The following MRPS23 variants were observed in gnomAD, a reference collection of about 807,000 sequenced individuals.
MRPS23 encodes the protein mitochondrial ribosomal protein S23, also known as small ribosomal subunit protein mS23.
MRPS23 carries 14 observed loss-of-function variants against 19.8 expected under a neutral mutation model. The ratio of observed to expected loss-of-function variants is 0.71; its 90% confidence interval spans 0.47 to 1.11. The LOEUF is 1.11. Ranked by LOEUF, MRPS23 falls within the 50% of genes least tolerant of loss-of-function variation. The pLI is 0.00. For missense variants in MRPS23, 242 were observed against 236.7 expected (o/e 1.02, Z -0.15); for synonymous variants, 113 against 89.7 (o/e 1.26, Z -1.47).
chr17:57,842,713 C>T (rs747459050), intron 2 of MRPS23, among the ~76,000 whole-genome samples: 49 of 151,828 alleles, frequency 3.2e-4, no homozygotes, highest in Non-Finnish European at 4.0e-4. Flanking sequence ...CACCTATCTC[C>T]CCACACCCTG....
chr17:57,850,031 C>T lies in MRPS23; in HGVS notation c.-21G>A. ...GCCATGATCTGCGCCTGGTACCGAG[C>T]GTGACTAGCTGCTACCGGAACCGGA... On this transcript the variant is annotated 5_prime_UTR_variant, in exon 1 of 5. Coordinates refer to ENST00000313608, the MANE Select transcript of MRPS23 (RefSeq NM_016070.4). 1.3e-6 allele frequency: 2 copies of T among 1,587,158 alleles called. No individual in the cohort carries two copies. Among genetic ancestry groups the T allele is most frequent in the Non-Finnish European group, 1.7e-6 (2 of 1,171,700 alleles).
Position 57,839,664 on chromosome 17 carries a change from A to C in MRPS23, c.*119T>G, listed in dbSNP as rs2073728104. 6 of 1,266,496 alleles carry C rather than the reference A, an allele frequency of 4.7e-6. No individual in the cohort carries two copies. Among genetic ancestry groups the C allele is most frequent in the Non-Finnish European group, 6.4e-6 (6 of 938,486 alleles). 78.5% of individuals were successfully genotyped at this position (1,266,496 alleles called of 1,614,324 possible). A position where few individuals can be genotyped will look rare whatever the true frequency, so the allele number is the denominator to read the frequency against. ...TGACAACCCAGAAATAACTAAGAGAAGGCAAACATAATACCTTAGAGATCA... is the reference window on the plus strand; with the variant it reads ...TGACAACCCAGAAATAACTAAGAGACGGCAAACATAATACCTTAGAGATCA... On this transcript the variant is annotated 3_prime_UTR_variant, in exon 5 of 5. Coordinates refer to ENST00000313608, the MANE Select transcript of MRPS23 (RefSeq NM_016070.4).
chr17:57,842,832 G>A (rs1174043738), intron 2 of MRPS23, among the ~76,000 whole-genome samples: 2 of 147,166 alleles, frequency 1.4e-5, no homozygotes, highest in African/African-American at 2.5e-5. Flanking sequence ...CCACCAGCTT[G>A]GGCAACATGG....
intron 4 of MRPS23, among the ~76,000 whole-genome samples, chr17:57,840,644 T>C (rs2073734573): frequency 6.6e-6 from 1 of 151,980 alleles, no homozygotes. Flanking sequence ...GGATCAAAAA[T>C]ATTTTAACAA....
chr17:57,844,486 A>G (rs988423340), intron 2 of MRPS23, among the ~76,000 whole-genome samples: 19 of 151,920 alleles, frequency 1.3e-4, no homozygotes, highest in Admixed American at 6.6e-4. Flanking sequence ...CAGGCTGGGC[A>G]TGGTGGCTCA....
Position 57,839,903 on chromosome 17 carries a change from G to T in MRPS23, c.453C>A (p.Ser151=). 1 of 1,614,134 alleles carries T rather than the reference G, an allele frequency of 6.2e-7. No individual in the cohort carries two copies. Among genetic ancestry groups the T allele is most frequent in the Non-Finnish European group, 8.5e-7 (1 of 1,180,020 alleles). Residue 151 remains serine, a synonymous_variant, in exon 5 of 5, where the codon TCC becomes TCA. Transcript: ENST00000313608. ...TCTGTGGTCTGACACTCAAGTGTTCGGATTTCCGGGAAACGTGACTACCTC... is the reference window on the plus strand; with the variant it reads ...TCTGTGGTCTGACACTCAAGTGTTCTGATTTCCGGGAAACGTGACTACCTC... ...QHGGSHVSRK[S]EHLSVRPQTA... is the part of the protein sequence containing the mutation.
intron 2 of MRPS23, among the ~76,000 whole-genome samples, chr17:57,843,980 T>C (rs1052583418): frequency 1.3e-5 from 2 of 152,176 alleles, no homozygotes; most frequent in Non-Finnish European, 2.9e-5. Flanking sequence ...GAGTTTTATA[T>C]CATGCTTAAA....
At position 57,840,025 on chromosome 17, in the gene MRPS23, C is replaced by G. The variant is rs930504686; in HGVS notation, c.421-90G>C. ...ATATATAACTAGGCACATTCTGTCACTGAGTGAAAAATTTAGCACTAATAT... is the reference window on the plus strand; with the variant it reads ...ATATATAACTAGGCACATTCTGTCAGTGAGTGAAAAATTTAGCACTAATAT... On this transcript the variant is annotated intron_variant, in intron 4 of 4. Transcript: ENST00000313608. The G allele has an allele frequency of 5.4e-6, 8 of 1,471,050 alleles. No homozygotes were observed. In the African/African-American group the frequency reaches 1.1e-4, roughly 21 times the overall value. The allele number at this position is 1,471,050 out of a possible 1,614,324, so 91.1% of individuals were successfully genotyped here.
intron 2 of MRPS23, among the ~76,000 whole-genome samples, chr17:57,846,232 G>A (rs1226061730): frequency 2.8e-5 from 4 of 143,578 alleles, no homozygotes; most frequent in Non-Finnish European, 4.5e-5. Flanking sequence ...CTGGCCAGCC[G>A]CCCCGTCCGG....
chr17:57,839,683 G>C lies in MRPS23; in HGVS notation c.*100C>G. The stretch of plus-strand genomic sequence containing the variant: ...AAGAGAAGGCAAACATAATACCTTA[G>C]AGATCAAGAAACATTTACACAGTTC... On this transcript the variant is annotated 3_prime_UTR_variant, in exon 5 of 5. Transcript: ENST00000313608. 7.1e-7 allele frequency: 1 copy of C among 1,412,706 alleles called. No individual in the cohort carries two copies. The highest frequency in any genetic ancestry group is 9.5e-7 in the Non-Finnish European group (1 of 1,047,446). The allele number at this position is 1,412,706 out of a possible 1,614,324, so 87.5% of individuals were successfully genotyped here.
rs1357838211 is a variant in MRPS23, at chr17:57,849,427, A to C, written c.45-17T>G. 6.2e-7 allele frequency: 1 copy of C among 1,611,830 alleles called. No individual in the cohort carries two copies. Among genetic ancestry groups the C allele is most frequent in the Non-Finnish European group, 8.5e-7 (1 of 1,179,160 alleles). ...TCCCGAGTCCTTAGGGAGGGAACAG[A>C]ACGAAACTGGGTCACTTGCAGTAGC... On this transcript the variant is annotated splice_polypyrimidine_tract_variant and intron_variant, in intron 1 of 4. Coordinates refer to ENST00000313608, the MANE Select transcript of MRPS23 (RefSeq NM_016070.4).
At position 57,838,839 on chromosome 17, in the gene MRPS23, T is replaced by TA. The variant is rs1322992675; in HGVS notation, c.*943_*944insT. The TA allele has an allele frequency of 6.6e-6, 1 of 152,264 alleles. No individual in the cohort carries two copies. The allele number at this position is 152,264 out of a possible 1,614,324, so 9.4% of individuals were successfully genotyped here. On this transcript the variant is annotated 3_prime_UTR_variant, in exon 5 of 5. Transcript: ENST00000313608. ...AGAATCACTGGGTAGAAAATCTACA[T>TA]GAGTTTTAAAATAGGGAATTTCTGA...
Position 57,839,662 on chromosome 17 carries a change from G to T in MRPS23, c.*121C>A, listed in dbSNP as rs555347915. 0.012 allele frequency: 15,393 copies of T among 1,252,184 alleles called. 114 individuals carry two copies. The highest frequency in any genetic ancestry group is 0.014 in the Non-Finnish European group (13,202 of 926,188). 77.6% of individuals were successfully genotyped at this position (1,252,184 alleles called of 1,614,324 possible). A position where few individuals can be genotyped will look rare whatever the true frequency, so the allele number is the denominator to read the frequency against. ...TGTGACAACCCAGAAATAACTAAGAGAAGGCAAACATAATACCTTAGAGAT... is the reference window on the plus strand; with the variant it reads ...TGTGACAACCCAGAAATAACTAAGATAAGGCAAACATAATACCTTAGAGAT... On this transcript the variant is annotated 3_prime_UTR_variant, in exon 5 of 5. Transcript: ENST00000313608.
rs892375393 is a variant in MRPS23 at position 57,837,087 on chromosome 17, T to C, written c.*2696A>G. 1 of 152,116 alleles carries C rather than the reference T, an allele frequency of 6.6e-6. No individual in the cohort carries two copies. Among genetic ancestry groups the C allele is most frequent in the Non-Finnish European group, 1.5e-5 (1 of 68,020 alleles). The allele number at this position is 152,116 out of a possible 1,614,324, so 9.4% of individuals were successfully genotyped here. ...CCCAAACTGTGGAAATAGTTCTGAG[T>C]TTCCAAAGTAAGCTTCATATCTTTC... On this transcript the variant is annotated 3_prime_UTR_variant, in exon 5 of 5. Coordinates refer to ENST00000313608, the MANE Select transcript of MRPS23 (RefSeq NM_016070.4).
At position 57,849,414 on chromosome 17, in the gene MRPS23, A is replaced by G; in HGVS notation, c.45-4T>C. 6.2e-7 allele frequency: 1 copy of G among 1,613,408 alleles called. No homozygotes were observed. The highest frequency in any genetic ancestry group is 1.3e-5 in the African/African-American group (1 of 75,050). Reference sequence around the variant, plus strand: ...GGCCCGAACCAGGTCCCGAGTCCTTAGGGAGGGAACAGAACGAAACTGGGT... The same window carrying G: ...GGCCCGAACCAGGTCCCGAGTCCTTGGGGAGGGAACAGAACGAAACTGGGT... On this transcript the variant is annotated splice_region_variant and splice_polypyrimidine_tract_variant and intron_variant, in intron 1 of 4. Coordinates refer to ENST00000313608, the MANE Select transcript of MRPS23 (RefSeq NM_016070.4).
intron 4 of MRPS23, 85 bp from the exon 5 acceptor site, chr17:57,840,020 T>C: frequency 6.8e-7 from 1 of 1,476,344 alleles, no homozygotes; most frequent in Non-Finnish European, 9.3e-7. Flanking sequence ...AGGCACATTC[T>C]GTCACTGAGT....
In MRPS23 at chr17:57,838,289, C is replaced by CAAAAAAAAAGAAAAAA. The variant is rs2073718830; in HGVS notation, c.*1493_*1494insTTTTTTCTTTTTTTTT. The CAAAAAAAAAGAAAAAA allele has an allele frequency of 3.4e-5, 1 of 29,406 alleles. No homozygotes were observed. The highest frequency in any genetic ancestry group is 6.8e-5 in the Non-Finnish European group (1 of 14,796). 1.8% of individuals were successfully genotyped at this position (29,406 alleles called of 1,614,324 possible). ...TGGGAAACAAAGTGATACTCCATCG[C>CAAAAAAAAAGAAAAAA]AAAAAAAAAAAAAAAAAAAAAAAAA... On this transcript the variant is annotated 3_prime_UTR_variant, in exon 5 of 5. Coordinates refer to ENST00000313608, the MANE Select transcript of MRPS23 (RefSeq NM_016070.4).
rs762728335 is a variant in MRPS23 at position 57,849,337 on chromosome 17, G to T, written c.118C>A (p.Pro40Thr). Residue 40 changes from proline to threonine, a missense_variant, in exon 2 of 5, where the codon CCG (proline) becomes ACG (threonine). Transcript: ENST00000313608. The part of the protein sequence containing the change: ...LWFDVYDAFP[P>T]LREPVFQRPR... ...CTTTGGAAGACGGGCTCCCTCAGCG[G>T]GGGAAAGGCGTCATATACGTCAAAC... 1 of 1,614,204 alleles carries T rather than the reference G, an allele frequency of 6.2e-7. No individual in the cohort carries two copies. The highest frequency in any genetic ancestry group is 1.1e-5 in the South Asian group (1 of 91,088).
chr17:57,844,930 C>T (rs1177814493), intron 2 of MRPS23, among the ~76,000 whole-genome samples: 1 of 151,990 alleles, frequency 6.6e-6, no homozygotes, highest in East Asian at 1.9e-4. Flanking sequence ...CGGAGTCTCA[C>T]TCTGTCACCC....
Sources: allele counts gnomAD v4.1 joint callset (sites outside exome capture counted in the v4.1 genomes callset), GRCh38; gene constraint gnomAD v4.1.1; transcripts MANE v1.5; gene names NCBI Gene and HGNC (gene_info 2026-07-23, HGNC 2026-07-21).